The following SLC9C1 variants were observed in gnomAD, a reference collection of about 807,000 sequenced individuals.
The protein encoded by SLC9C1 is solute carrier family 9 member C1, also known as sodium/hydrogen exchanger 10.
In SLC9C1, 97 loss-of-function variants were observed where a neutral mutation model predicts 140.9. The ratio of observed to expected loss-of-function variants is 0.69; its 90% CI spans 0.58 to 0.82. SLC9C1 has a LOEUF of 0.82. Among genes scored for constraint, SLC9C1 ranks in the 40% least tolerant of loss-of-function variants. The probability of loss-of-function intolerance (pLI) is 0.00; values close to 1 mark genes in which losing one functional copy is unlikely to be tolerated. For synonymous variants in SLC9C1, 440 were observed against 442.6 expected, an observed-to-expected ratio of 0.99 and a Z score of 0.07; for missense variants, 1,340 against 1,389.3, an observed-to-expected ratio of 0.96 and a Z score of 0.56.
chr3:112,144,327 A>G (rs2074721359), intron 28 of SLC9C1, among the ~76,000 whole-genome samples: 1 of 151,710 alleles, frequency 6.6e-6, no homozygotes, highest in African/African-American at 2.4e-5. Flanking sequence ...ACAGGTACCC[A>G]CCATCAAGCC....
chr3:112,172,532 A>C (rs769964763), intron 23 of SLC9C1, among the ~76,000 whole-genome samples: 1 of 151,994 alleles, frequency 6.6e-6, no homozygotes, highest in Non-Finnish European at 1.5e-5. Flanking sequence ...TTTTTATGTC[A>C]GTTTACTTCT....
intron 10 of SLC9C1, among the ~76,000 whole-genome samples, chr3:112,246,114 G>A (rs2079276761): frequency 6.6e-6 from 1 of 152,064 alleles, no homozygotes; most frequent in Non-Finnish European, 1.5e-5. Context: ...TTCATTTTCT[G>A]TTTCTGGGTT....
At chr3:112,279,252 T>G (rs1156851646) in intron 3 of SLC9C1, among the ~76,000 whole-genome samples, 1 of 152,180 alleles carries the variant, frequency 6.6e-6, no homozygotes, top group African/African-American at 2.4e-5. Context: ...ATGTGTCTCT[T>G]GTGTTTCTCC....
At chr3:112,210,996 T>C (rs2078187299) in intron 15 of SLC9C1, among the ~76,000 whole-genome samples, 1 of 152,212 alleles carries the variant, frequency 6.6e-6, no homozygotes, top group African/African-American at 2.4e-5. Flanking sequence ...TAACAATATA[T>C]GGTGGTACCA....
chr3:112,286,495 T>C (rs1247198559), intron 2 of SLC9C1, among the ~76,000 whole-genome samples: 3 of 152,142 alleles, frequency 2.0e-5, no homozygotes, highest in African/African-American at 4.8e-5. Context: ...TTGAACCCAA[T>C]AGGATGAATG....
chr3:112,151,630 G>A (rs2074983604), intron 28 of SLC9C1: 2 of 527,132 alleles, frequency 3.8e-6, no homozygotes, highest in Admixed American at 2.9e-5. Flanking sequence ...ATATAGAGAG[G>A]AAACCAGAAT....
At chr3:112,278,561 C>T (rs2080276563) in intron 4 of SLC9C1, among the ~76,000 whole-genome samples, 168 bp downstream of exon 4, 1 of 152,130 alleles carries the variant, frequency 6.6e-6, no homozygotes, top group Non-Finnish European at 1.5e-5. Context: ...ATATGCTAGG[C>T]AATTGCCAAG....
intron 20 of SLC9C1, among the ~76,000 whole-genome samples, chr3:112,188,706 G>A (rs1177964482): frequency 1.3e-5 from 2 of 152,184 alleles, no homozygotes; most frequent in African/African-American, 4.8e-5. Context: ...ACGTGTGCAT[G>A]TGTCTTTATA....
At chr3:112,253,710 G>C (rs2108266395) in intron 10 of SLC9C1, among the ~76,000 whole-genome samples, 1 of 152,254 alleles carries the variant, frequency 6.6e-6, no homozygotes, top group South Asian at 2.1e-4. Context: ...CAACTCAAAT[G>C]GCCAGAGTGT....
chr3:112,276,501 T>C (rs1295025110), intron 5 of SLC9C1, among the ~76,000 whole-genome samples: 1 of 152,002 alleles, frequency 6.6e-6, no homozygotes, highest in Non-Finnish European at 1.5e-5. Flanking sequence ...GAAATTACTT[T>C]TAAAAATTTC....
At chr3:112,217,200 T>C (rs1419067375) in intron 15 of SLC9C1, among the ~76,000 whole-genome samples, 1 of 151,726 alleles carries the variant, frequency 6.6e-6, no homozygotes, top group Admixed American at 6.6e-5. Flanking sequence ...CACTGGGGCC[T>C]GTTGTGGGGT....
rs531421050 is a variant in SLC9C1 at position 112,274,723 on chromosome 3, T to C, written c.613+174A>G. On this transcript the variant is annotated intron_variant, in intron 6 of 28. Coordinates refer to ENST00000305815, the MANE Select transcript of SLC9C1 (RefSeq NM_183061.3). ...TCAACCCAGTCTCACAACAAATATG[T>C]AACTAACATTAAGTAATGTGTAATA... Among the ~76,000 whole-genome samples the C allele has an allele frequency of 9.5e-4, 144 of 152,274 alleles. 2 individuals are homozygous for C. The highest frequency in any genetic ancestry group is 3.2e-3 in the African/African-American group (131 of 41,562).
chr3:112,147,901 A>G (rs1309969230), intron 28 of SLC9C1, among the ~76,000 whole-genome samples: 2 of 152,208 alleles, frequency 1.3e-5, no homozygotes, highest in South Asian at 2.1e-4. Context: ...GGGAATGCCA[A>G]TAATTCATAA....
chr3:112,180,731 G>A, intron 21 of SLC9C1, 69 bp from the exon 22 acceptor site: 1 of 1,338,012 alleles, frequency 7.5e-7, no homozygotes, highest in East Asian at 2.4e-5. Context: ...GTTAAAATTT[G>A]CATTTTTGTT....
intron 16 of SLC9C1, among the ~76,000 whole-genome samples, chr3:112,204,748 G>T (rs1486354468): frequency 2.0e-5 from 3 of 151,998 alleles, no homozygotes; most frequent in Admixed American, 2.0e-4. Flanking sequence ...TGCCCTAAAT[G>T]CCATAAAAAT....
chr3:112,175,861 G>A (rs926007882), intron 23 of SLC9C1, among the ~76,000 whole-genome samples: 26 of 152,242 alleles, frequency 1.7e-4, no homozygotes, highest in African/African-American at 6.3e-4. Flanking sequence ...CCTGCTGGGA[G>A]CTCTTTCTCA....
chr3:112,215,819 T>C (rs886941115), intron 15 of SLC9C1, among the ~76,000 whole-genome samples: 2 of 152,234 alleles, frequency 1.3e-5, no homozygotes, highest in Non-Finnish European at 2.9e-5. Context: ...CCCAACAAGC[T>C]ACCAATGACT....
At chr3:112,259,966 C>A (rs2079725489) in intron 10 of SLC9C1, among the ~76,000 whole-genome samples, 1 of 151,966 alleles carries the variant, frequency 6.6e-6, no homozygotes, top group Admixed American at 6.6e-5. Context: ...TTGTAAAATG[C>A]TTTTTCTGCA....
chr3:112,185,473 C>T lies in SLC9C1; in HGVS notation c.2524-3215G>A, dbSNP rs377020140. 4.9e-5 allele frequency: 79 copies of T among 1,607,800 alleles called. No individual in the cohort carries two copies. The East Asian group carries it at 1.5e-3, about 31-fold the overall frequency. On this transcript the variant is annotated intron_variant, in intron 20 of 28. Transcript: ENST00000305815. Reference sequence around the variant, plus strand: ...TGAAACAGTTTTTTCCAGCGTGGGGCGCAGAGTTACACCTGGCTGATGATC... The same window carrying T: ...TGAAACAGTTTTTTCCAGCGTGGGGTGCAGAGTTACACCTGGCTGATGATC...
Sources: gnomAD v4.1 joint callset for allele counts (sites outside exome capture counted in the v4.1 genomes callset) on GRCh38, gnomAD v4.1.1 for gene constraint, MANE v1.5 for transcripts, NCBI Gene and HGNC (gene_info 2026-07-23, HGNC 2026-07-21) for gene names.